The following MTMR7 variants were observed in gnomAD, a reference collection of about 807,000 sequenced individuals.
The protein encoded by MTMR7 is phosphatidylinositol-3-phosphate phosphatase MTMR7.
Under a neutral mutation model 81.2 loss-of-function variants are expected in MTMR7, and 76 were observed. The observed-to-expected ratio is 0.94, with a 90% CI of 0.78 to 1.13. The LOEUF is 1.13. Among genes scored for constraint, MTMR7 ranks in the 50% most tolerant of loss-of-function variants. The pLI is 0.00. For missense variants in MTMR7, 1,044 were observed against 820.0 expected, an observed-to-expected ratio of 1.27 and a Z score of -3.34; for synonymous variants, 372 against 289.8, an observed-to-expected ratio of 1.28 and a Z score of -2.88.
At chr8:17,325,968 G>A (rs148520225) in intron 7 of MTMR7, among the ~76,000 whole-genome samples, 442 of 152,322 alleles carry the variant, frequency 2.9e-3, no homozygotes, top group African/African-American at 0.01. Context: ...ACACTGGAAA[G>A]CACTTTATAG....
chr8:17,356,576 T>C (rs1216453382), intron 4 of MTMR7, among the ~76,000 whole-genome samples: 1 of 151,942 alleles, frequency 6.6e-6, no homozygotes, highest in African/African-American at 2.4e-5. Flanking sequence ...TATCTGGTTG[T>C]GGTGGTGGGT....
At chr8:17,409,330 C>T (rs893892683) in intron 1 of MTMR7, among the ~76,000 whole-genome samples, 2 of 151,982 alleles carry the variant, frequency 1.3e-5, no homozygotes, top group East Asian at 1.9e-4. Context: ...TGTAGCGGCA[C>T]GTGCTTGTAG....
At chr8:17,367,132 T>C (rs1456423596) in intron 3 of MTMR7, among the ~76,000 whole-genome samples, 1 of 152,060 alleles carries the variant, frequency 6.6e-6, no homozygotes, top group African/African-American at 2.4e-5. Context: ...ATGACTTATA[T>C]AAGGAATATA....
chr8:17,335,472 T>G (rs534173706), intron 6 of MTMR7, among the ~76,000 whole-genome samples: 1 of 152,310 alleles, frequency 6.6e-6, no homozygotes, highest in African/African-American at 2.4e-5. Context: ...AAGGTCAGCC[T>G]GGTCACTGCC....
intron 3 of MTMR7, among the ~76,000 whole-genome samples, chr8:17,366,032 C>G (rs1380888841): frequency 6.6e-6 from 1 of 152,168 alleles, no homozygotes; most frequent in Non-Finnish European, 1.5e-5. Context: ...TACAGTGCAG[C>G]TCAGTCTCTA....
At chr8:17,386,063 C>T (rs905015059) in intron 1 of MTMR7, among the ~76,000 whole-genome samples, 1 of 152,064 alleles carries the variant, frequency 6.6e-6, no homozygotes, top group Non-Finnish European at 1.5e-5. Flanking sequence ...TGCTCTGTGC[C>T]AGGCACCCAG....
intron 10 of MTMR7, among the ~76,000 whole-genome samples, chr8:17,308,642 T>C (rs1241408333): frequency 6.6e-6 from 1 of 151,716 alleles, no homozygotes; most frequent in East Asian, 1.9e-4. Context: ...ATTCAAAGAG[T>C]AGAGAACACC....
At chr8:17,314,322 A>T (rs1359180609) in intron 7 of MTMR7, among the ~76,000 whole-genome samples, 5 of 152,196 alleles carry the variant, frequency 3.3e-5, no homozygotes, top group Non-Finnish European at 4.4e-5. Flanking sequence ...AAACACACAT[A>T]GGGAAAAGGG....
intron 7 of MTMR7, among the ~76,000 whole-genome samples, chr8:17,320,149 T>C (rs1818309697): frequency 6.6e-6 from 1 of 151,950 alleles, no homozygotes; most frequent in African/African-American, 2.4e-5. Flanking sequence ...TATATTTACA[T>C]AACATATGAG....
intron 6 of MTMR7, among the ~76,000 whole-genome samples, chr8:17,336,472 G>A (rs527242979): frequency 5.9e-5 from 9 of 151,964 alleles, no homozygotes; most frequent in East Asian, 1.9e-4. Flanking sequence ...TGAGACCCCC[G>A]ATTCCCCTCT....
At chr8:17,352,081 T>C (rs1384210516) in intron 4 of MTMR7, among the ~76,000 whole-genome samples, 1 of 152,138 alleles carries the variant, frequency 6.6e-6, no homozygotes, top group Non-Finnish European at 1.5e-5. Context: ...TGTGCAGAAG[T>C]AGAAAAATTC....
intron 1 of MTMR7, among the ~76,000 whole-genome samples, chr8:17,396,515 G>A (rs1821256177): frequency 6.6e-6 from 1 of 152,152 alleles, no homozygotes; most frequent in African/African-American, 2.4e-5. Context: ...GATGTGTTGG[G>A]CTCAGGGAGT....
At chr8:17,376,905 G>A (rs934194552) in intron 1 of MTMR7, among the ~76,000 whole-genome samples, 3 of 151,938 alleles carry the variant, frequency 2.0e-5, no homozygotes, top group Non-Finnish European at 4.4e-5. Flanking sequence ...ATCAATAATA[G>A]TAATAGATTT....
chr8:17,346,675 G>C (rs1379476569), intron 5 of MTMR7, among the ~76,000 whole-genome samples: 1 of 145,798 alleles, frequency 6.9e-6, no homozygotes, highest in Non-Finnish European at 1.5e-5. Flanking sequence ...GGAGTTGCTA[G>C]GCACACTGTG....
At chr8:17,337,290 G>A (rs755225154) in intron 6 of MTMR7, among the ~76,000 whole-genome samples, 33 of 151,438 alleles carry the variant, frequency 2.2e-4, no homozygotes, top group Non-Finnish European at 1.0e-4. Flanking sequence ...ACTTGAACCC[G>A]GGAGATGGAG....
intron 1 of MTMR7, among the ~76,000 whole-genome samples, chr8:17,395,965 T>TCAATCC (rs1165557732): frequency 6.6e-6 from 1 of 152,146 alleles, no homozygotes; most frequent in Non-Finnish European, 1.5e-5. Flanking sequence ...GTCTATGACC[T>TCAATCC]CAATCTTAAC....
chr8:17,300,052 T>A lies in MTMR7; in HGVS notation c.1793A>T (p.Asp598Val), dbSNP rs1817008914. The change falls in exon 14 of 14, where the codon GAT becomes GTT. Residue 598 changes from aspartate (D) to valine (V), a missense_variant. By Grantham distance (152) the Asp-to-Val change is radical (BLOSUM62 -3). Coordinates refer to ENST00000180173, the MANE Select transcript of MTMR7 (RefSeq NM_004686.5). ...SFPSRSPSQG[D>V]EDSALILTQD... ...GGTTAGAATCAGAGCAGAATCTTCA[T>A]CGCCTTGTGAAGGGCTCCGGGATGG... 1 of 1,614,024 alleles carries A rather than the reference T, an allele frequency of 6.2e-7. No homozygotes were observed.
At chr8:17,341,846 C>T (rs879393445) in intron 5 of MTMR7, among the ~76,000 whole-genome samples, 10 of 152,090 alleles carry the variant, frequency 6.6e-5, no homozygotes, top group South Asian at 2.1e-4. Context: ...AATAAATAAC[C>T]GTTCTCAAAT....
In MTMR7 at chr8:17,297,432, G is replaced by GAAAGT. The variant is rs1184134016; in HGVS notation, c.*2425_*2429dup. On this transcript the variant is annotated 3_prime_UTR_variant, in exon 14 of 14. Coordinates refer to ENST00000180173, the MANE Select transcript of MTMR7 (RefSeq NM_004686.5). The stretch of plus-strand genomic sequence containing the variant: ...CAGCTCAGATTCATTTTTAGGAGAA[G>GAAAGT]AAAGTAAACTAATGTGCTCTTAAAG... 6.6e-6 allele frequency: 1 copy of GAAAGT among 151,864 alleles called. No homozygotes were observed. The allele number at this position is 151,864 out of a possible 1,614,324, so 9.4% of individuals were successfully genotyped here. A position where few individuals can be genotyped will look rare whatever the true frequency, so the allele number is the denominator to read the frequency against.
Sources: gnomAD v4.1 joint callset for allele counts (sites outside exome capture counted in the v4.1 genomes callset) on GRCh38, gnomAD v4.1.1 for gene constraint, MANE v1.5 for transcripts, NCBI Gene and HGNC (gene_info 2026-07-23, HGNC 2026-07-21) for gene names.